The following ASTN1 variants were observed in gnomAD, a reference collection of about 807,000 sequenced individuals.
ASTN1 encodes astrotactin 1.
Under a neutral mutation model 140.7 loss-of-function variants are expected in ASTN1, and 41 were observed. That is an observed-to-expected ratio of 0.29 (90% confidence interval 0.23 to 0.38). ASTN1 has a LOEUF of 0.38. ASTN1 is among the 10% of genes least tolerant of loss of function. The pLI, the probability that ASTN1 is intolerant of heterozygous loss-of-function variation, is 1.00. For missense variants in ASTN1, 1,479 were observed against 1,678.8 expected (o/e 0.88, Z 2.08); for synonymous variants, 640 against 652.2 (o/e 0.98, Z 0.29).
Position 177,066,329 on chromosome 1 carries a change from T to C in ASTN1, c.284-5064A>G, listed in dbSNP as rs1678352165. 1.3e-5 allele frequency among the ~76,000 whole-genome samples: 2 copies of C among 152,314 alleles called. 1 individual carries two copies. Among genetic ancestry groups the C allele is most frequent in the South Asian group, 4.1e-4 (2 of 4,824 alleles). On this transcript the variant is annotated intron_variant, in intron 1 of 22. Coordinates refer to ENST00000361833, the MANE Select transcript of ASTN1 (RefSeq NM_004319.3). ...AGAAAGATAATTTAGAGCTTCTGCA[T>C]GCAATACAGAATTGGAATAATGAGA...
intron 21 of ASTN1, among the ~76,000 whole-genome samples, chr1:176,873,141 T>C (rs1363058515): frequency 6.6e-6 from 1 of 152,172 alleles, no homozygotes; most frequent in Non-Finnish European, 1.5e-5. Context: ...AATAGCAGGG[T>C]TCGATAAATG....
intron 16 of ASTN1, among the ~76,000 whole-genome samples, chr1:176,895,367 G>A (rs1348842209): frequency 6.6e-6 from 1 of 152,122 alleles, no homozygotes; most frequent in East Asian, 1.9e-4. Flanking sequence ...TAACCTTTAT[G>A]ATAACTCTCT....
chr1:176,972,227 G>A (rs1404819917), intron 8 of ASTN1, among the ~76,000 whole-genome samples: 1 of 152,184 alleles, frequency 6.6e-6, no homozygotes, highest in Admixed American at 6.5e-5. Context: ...TGTGGTACAT[G>A]ACTGTACTTA....
chr1:176,977,480 G>A (rs1052783807), intron 8 of ASTN1, among the ~76,000 whole-genome samples: 2 of 152,224 alleles, frequency 1.3e-5, no homozygotes, highest in Non-Finnish European at 2.9e-5. Flanking sequence ...GTGCTATGGA[G>A]AGCACTGGGC....
intron 8 of ASTN1, among the ~76,000 whole-genome samples, chr1:176,969,568 G>T (rs1235342554): frequency 1.3e-5 from 2 of 152,140 alleles, no homozygotes; most frequent in Non-Finnish European, 2.9e-5. Flanking sequence ...TGGTAAGAGT[G>T]TTGCCTCAAT....
intron 1 of ASTN1, among the ~76,000 whole-genome samples, chr1:177,120,808 A>C (rs1326425204): frequency 6.6e-6 from 1 of 152,152 alleles, no homozygotes; most frequent in Non-Finnish European, 1.5e-5. Flanking sequence ...GAAAGGGGGC[A>C]TTCACCTAAC....
In ASTN1 at chr1:177,164,476, G is replaced by A. The variant is rs763755386; in HGVS notation, c.201C>T (p.Leu67=). 1 of 1,613,994 alleles carries A rather than the reference G, an allele frequency of 6.2e-7. No individual in the cohort carries two copies. The highest frequency in any genetic ancestry group is 1.7e-5 in the Admixed American group (1 of 60,006). The change falls in exon 1 of 23, where the codon CTC becomes CTT. Residue 67 remains leucine (L), a synonymous_variant. Transcript: ENST00000361833. The part of the protein sequence containing the change: ...HSPSASEPKL[L]FSVRNDFPGE... ...CCGGGAAGTCGTTGCGCACCGAGAA[G>A]AGGAGCTTGGGCTCCGAGGCCGAGG... is the stretch of plus-strand genomic sequence containing the variant.
rs901395602 is a variant in ASTN1, at chr1:176,862,458, G to T, written c.*1826C>A. 37 of 985,268 alleles carry T rather than the reference G, an allele frequency of 3.8e-5. No homozygotes were observed. The highest frequency in any genetic ancestry group is 4.2e-5 in the Non-Finnish European group (35 of 829,970). 61.0% of individuals were successfully genotyped at this position (985,268 alleles called of 1,614,324 possible). A position where few individuals can be genotyped will look rare whatever the true frequency, so the allele number is the denominator to read the frequency against. ...CCCCTCCTCCTTCCACTGCACAGAG[G>T]ACATGTCCATGCCACAGATGCTTGG... On this transcript the variant is annotated 3_prime_UTR_variant, in exon 23 of 23. Transcript: ENST00000361833.
At chr1:177,030,675 C>T in intron 4 of ASTN1, 131 bp downstream of exon 4, 1 of 1,259,198 alleles carries the variant, frequency 7.9e-7, no homozygotes, top group African/African-American at 1.5e-5. Context: ...ATTTAACTGG[C>T]CTCCAGAAAG....
At chr1:177,032,953 T>G in intron 2 of ASTN1, 104 bp from the exon 3 acceptor site, 1 of 1,296,880 alleles carries the variant, frequency 7.7e-7, no homozygotes, top group Non-Finnish European at 1.0e-6. Flanking sequence ...ATTTATGCAT[T>G]CATTCATTCA....
intron 1 of ASTN1, among the ~76,000 whole-genome samples, chr1:177,076,687 A>C (rs1174399280): frequency 6.6e-6 from 1 of 151,744 alleles, no homozygotes; most frequent in Non-Finnish European, 1.5e-5. Context: ...ATGCCTAGCT[A>C]ATTTTTGTAT....
intron 16 of ASTN1, among the ~76,000 whole-genome samples, chr1:176,909,616 G>C (rs1422112659): frequency 2.0e-5 from 3 of 152,192 alleles, no homozygotes; most frequent in Non-Finnish European, 4.4e-5. Flanking sequence ...TCCCTGAAAT[G>C]TAACACTAGT....
Position 176,863,464 on chromosome 1 carries a change from A to G in ASTN1, c.*820T>C, listed in dbSNP as rs1571425546. On this transcript the variant is annotated 3_prime_UTR_variant, in exon 23 of 23. Coordinates refer to ENST00000361833, the MANE Select transcript of ASTN1 (RefSeq NM_004319.3). ...AAGCATGGTTTTTTTAAAAAACAAT[A>G]AACTCCAAGTCTCCTCTTGAATGTG... 3.0e-6 allele frequency: 3 copies of G among 985,798 alleles called. No homozygotes were observed. Among genetic ancestry groups the G allele is most frequent in the Non-Finnish European group, 2.4e-6 (2 of 829,928 alleles). 61.1% of individuals were successfully genotyped at this position (985,798 alleles called of 1,614,324 possible). A position where few individuals can be genotyped will look rare whatever the true frequency, so the allele number is the denominator to read the frequency against.
intron 2 of ASTN1, among the ~76,000 whole-genome samples, chr1:177,036,757 C>G (rs996992933): frequency 6.6e-6 from 1 of 152,146 alleles, no homozygotes; most frequent in Admixed American, 6.5e-5. Flanking sequence ...GGACTTGGCT[C>G]ACATTCAGTT....
At chr1:177,017,781 C>CCCAA (rs1675631867) in intron 7 of ASTN1, among the ~76,000 whole-genome samples, 1 of 152,200 alleles carries the variant, frequency 6.6e-6, no homozygotes, top group Non-Finnish European at 1.5e-5. Flanking sequence ...GGTCTGGAGA[C>CCCAA]AGCTGCACTT....
chr1:176,908,343 C>T (rs1670088364), intron 16 of ASTN1, among the ~76,000 whole-genome samples: 1 of 152,178 alleles, frequency 6.6e-6, no homozygotes, highest in South Asian at 2.1e-4. Flanking sequence ...AAGACCAAGT[C>T]TCTGAGACTC....
At chr1:177,000,028 A>G (rs1012554003) in intron 8 of ASTN1, among the ~76,000 whole-genome samples, 11 of 152,226 alleles carry the variant, frequency 7.2e-5, no homozygotes, top group South Asian at 6.2e-4. Flanking sequence ...CAAATTACAT[A>G]AAGAAGAAGG....
intron 1 of ASTN1, among the ~76,000 whole-genome samples, chr1:177,152,430 A>AAAAT (rs1382081685): frequency 6.6e-6 from 1 of 152,156 alleles, no homozygotes; most frequent in South Asian, 2.1e-4. Flanking sequence ...AATCCTTTGG[A>AAAAT]AAATAAATAA....
rs141218718 is a variant in ASTN1, at chr1:177,131,025, C to A, written c.283+33369G>T. On this transcript the variant is annotated intron_variant, in intron 1 of 22. Transcript: ENST00000361833. ...ACTCTTCAAATCCTATTAAAAAGCA[C>A]CTTCCCCTCAAGTCACCAGAAGCTG... Among the ~76,000 whole-genome samples the A allele has an allele frequency of 4.4e-3, 669 of 152,284 alleles. 2 individuals are homozygous for A. The highest frequency in any genetic ancestry group is 7.9e-3 in the Non-Finnish European group (536 of 68,020).
Sources: gnomAD v4.1 joint callset for allele counts (sites outside exome capture counted in the v4.1 genomes callset) on GRCh38, gnomAD v4.1.1 for gene constraint, MANE v1.5 for transcripts, NCBI Gene and HGNC (gene_info 2026-07-23, HGNC 2026-07-21) for gene names.